The following PCSK5 variants were observed in gnomAD, a reference collection of about 807,000 sequenced individuals.
The protein encoded by PCSK5 is proprotein convertase subtilisin/kexin type 5.
A neutral mutation model predicts 233.2 loss-of-function variants in PCSK5; 129 were observed. The ratio of observed to expected loss-of-function variants is 0.55; its 90% CI spans 0.48 to 0.64. The LOEUF (loss-of-function observed/expected upper bound fraction) is 0.64, where lower values mean the gene tolerates loss of function less well. Ranked by LOEUF, PCSK5 falls within the 30% of genes least tolerant of loss-of-function variation. The pLI, the probability that PCSK5 is intolerant of heterozygous loss-of-function variation, is 0.00. For synonymous variants in PCSK5, 825 were observed against 879.2 expected (o/e 0.94, Z 1.09); for missense variants, 2,076 against 2,430.1 (o/e 0.85, Z 3.06).
chr9:76,028,924 C>A (rs1828542917), intron 5 of PCSK5, among the ~76,000 whole-genome samples: 1 of 152,138 alleles, frequency 6.6e-6, no homozygotes. Flanking sequence ...TGGGTCTGAT[C>A]TCTTTCAGTG....
At chr9:76,064,533 A>C (rs1274839805) in intron 5 of PCSK5, among the ~76,000 whole-genome samples, 1 of 148,756 alleles carries the variant, frequency 6.7e-6, no homozygotes, top group African/African-American at 2.5e-5. Context: ...TCCCTCCCGG[A>C]CGGGGTGGCT....
At chr9:76,085,324 C>G (rs903944496) in intron 7 of PCSK5, among the ~76,000 whole-genome samples, 1 of 152,194 alleles carries the variant, frequency 6.6e-6, no homozygotes, top group Non-Finnish European at 1.5e-5. Flanking sequence ...TGGATGAGGC[C>G]TATAGTGGTA....
At chr9:76,204,110 T>C (rs78627535) in intron 20 of PCSK5, among the ~76,000 whole-genome samples, 10,177 of 152,244 alleles carry the variant, frequency 0.067, 1,094 homozygotes, top group African/African-American at 0.23. Flanking sequence ...TTATTCATTG[T>C]TGATCCCTCT....
intron 20 of PCSK5, among the ~76,000 whole-genome samples, chr9:76,221,965 T>C (rs1157411480): frequency 6.6e-6 from 1 of 152,172 alleles, no homozygotes; most frequent in African/African-American, 2.4e-5. Flanking sequence ...CAAGGGCAAG[T>C]TGTCCTTGAG....
chr9:76,237,200 C>A (rs1826277291), intron 22 of PCSK5, among the ~76,000 whole-genome samples: 1 of 152,200 alleles, frequency 6.6e-6, no homozygotes, highest in African/African-American at 2.4e-5. Flanking sequence ...TCAGAGATTC[C>A]AGGTTCCACC....
Position 76,239,040 on chromosome 9 carries a change from A to G in PCSK5, c.2948A>G (p.Asn983Ser), listed in dbSNP as rs1826344301. 6.2e-7 allele frequency: 1 copy of G among 1,611,924 alleles called. No homozygotes were observed. Among genetic ancestry groups the G allele is most frequent in the African/African-American group, 1.3e-5 (1 of 74,938 alleles). The stretch of plus-strand genomic sequence containing the variant: ...GAGGGCCACTATGCCACTGAGGGGA[A>G]CACCTGCCTGCCCTGCCCAGACAAC... ...CPEGHYATEG[N>S]TCLPCPDNCE... Residue 983 changes from asparagine to serine, a missense_variant, in exon 23 of 38, where the codon AAC (asparagine) becomes AGC (serine). By Grantham distance (46) the Asn-to-Ser change is conservative. Around this residue, in one of 6 missense-constraint regions of PCSK5, gnomAD observed 1,510 missense variants for 1,538.1 expected, o/e 0.98. Coordinates refer to ENST00000674117, the MANE Select transcript of PCSK5 (RefSeq NM_001372043.1).
rs746369113 is a variant in PCSK5 at position 76,358,511 on chromosome 9, A to T, written c.5255-2A>T. The T allele has an allele frequency of 2.5e-6, 4 of 1,605,318 alleles. No individual in the cohort carries two copies. Among genetic ancestry groups the T allele is most frequent in the South Asian group, 1.1e-5 (1 of 90,944 alleles). On this transcript the variant is annotated splice_acceptor_variant, in intron 37 of 37. Coordinates refer to ENST00000674117, the MANE Select transcript of PCSK5 (RefSeq NM_001372043.1). LOFTEE classifies it high-confidence loss of function. ...TCTTCCTTTGAGGTCTTCTTCCAACAGACGAATGCATCCTTCGAACAAGCA... is the reference window on the plus strand; with the variant it reads ...TCTTCCTTTGAGGTCTTCTTCCAACTGACGAATGCATCCTTCGAACAAGCA...
At chr9:75,962,022 C>G (rs1264715801) in intron 2 of PCSK5, among the ~76,000 whole-genome samples, 2 of 152,062 alleles carry the variant, frequency 1.3e-5, no homozygotes, top group East Asian at 1.9e-4. Context: ...GTACAGGGTT[C>G]CTGTGCGGGT....
chr9:75,949,522 A>T (rs558758420), intron 2 of PCSK5, among the ~76,000 whole-genome samples: 8 of 151,882 alleles, frequency 5.3e-5, no homozygotes, highest in Non-Finnish European at 8.8e-5. Context: ...TTTATTTATT[A>T]AATTTATTAT....
intron 5 of PCSK5, among the ~76,000 whole-genome samples, chr9:76,052,498 G>A (rs1456960733): frequency 6.6e-6 from 1 of 152,082 alleles, no homozygotes; most frequent in African/African-American, 2.4e-5. Context: ...CACCTCTCAT[G>A]AGACTTATTC....
chr9:76,354,746 C>A (rs1367976619), intron 37 of PCSK5, among the ~76,000 whole-genome samples: 1 of 152,222 alleles, frequency 6.6e-6, no homozygotes, highest in Non-Finnish European at 1.5e-5. Context: ...CACTGCACTT[C>A]AGCCTGGGTG....
At chr9:76,060,541 A>G (rs1443288261) in intron 5 of PCSK5, among the ~76,000 whole-genome samples, 2 of 152,182 alleles carry the variant, frequency 1.3e-5, no homozygotes, top group African/African-American at 4.8e-5. Flanking sequence ...AGTGGACCCA[A>G]GAAGTTCTGT....
At chr9:76,047,523 C>G (rs1216435239) in intron 5 of PCSK5, among the ~76,000 whole-genome samples, 2 of 152,100 alleles carry the variant, frequency 1.3e-5, no homozygotes, top group Non-Finnish European at 2.9e-5. Context: ...TGGAAAGGGA[C>G]TTGCACAGAA....
chr9:76,318,638 C>T (rs757937672), intron 30 of PCSK5, among the ~76,000 whole-genome samples: 11 of 151,970 alleles, frequency 7.2e-5, no homozygotes, highest in Non-Finnish European at 1.3e-4. Context: ...CATAAGATTC[C>T]GCCTGGAAGA....
chr9:75,929,047 T>C (rs1823653267), intron 1 of PCSK5, among the ~76,000 whole-genome samples: 1 of 152,086 alleles, frequency 6.6e-6, no homozygotes, highest in Admixed American at 6.5e-5. Context: ...GCAATTCTCC[T>C]ACCTCAGCCT....
chr9:76,296,744 A>T lies in PCSK5; in HGVS notation c.3402A>T (p.Ala1134=). 6.2e-7 allele frequency: 1 copy of T among 1,612,388 alleles called. No homozygotes were observed. The highest frequency in any genetic ancestry group is 8.5e-7 in the Non-Finnish European group (1 of 1,179,486). ...GAGAATGTGAGTCCTGCCACCGAGC[A>T]TGCGAAACCTGCACAGGCCCTGGTC... The part of the protein sequence containing the change: ...EMGECESCHR[A]CETCTGPGHD... Residue 1134 remains alanine (A), a synonymous_variant, in exon 27 of 38, where the codon GCA becomes GCT. Transcript: ENST00000674117.
intron 24 of PCSK5, among the ~76,000 whole-genome samples, chr9:76,247,816 G>T (rs1009164850): frequency 6.7e-6 from 1 of 149,864 alleles, no homozygotes; most frequent in African/African-American, 2.5e-5. Flanking sequence ...ACAGAGTCTC[G>T]CCCTGTTGCC....
rs560077560 is a variant in PCSK5 at position 76,075,129 on chromosome 9, A to C, written c.894+3231A>C. 2.0e-5 allele frequency among the ~76,000 whole-genome samples: 3 copies of C among 152,270 alleles called. No homozygotes were observed. In the South Asian group the frequency reaches 6.2e-4, roughly 32 times the overall value. On this transcript the variant is annotated intron_variant, in intron 7 of 37. Coordinates refer to ENST00000674117, the MANE Select transcript of PCSK5 (RefSeq NM_001372043.1). Reference sequence around the variant, plus strand: ...CAACTACTCAAGAGGCTGAGGCAGGAGAATCGCTTGAACCCAGGGAGTGGA... The same window carrying C: ...CAACTACTCAAGAGGCTGAGGCAGGCGAATCGCTTGAACCCAGGGAGTGGA...
intron 29 of PCSK5, among the ~76,000 whole-genome samples, chr9:76,310,369 T>C (rs987087117): frequency 6.6e-6 from 1 of 151,776 alleles, no homozygotes; most frequent in African/African-American, 2.4e-5. Context: ...CAGGAAGACA[T>C]AGAGAGTGTG....
Sources: allele counts gnomAD v4.1 joint callset (sites outside exome capture counted in the v4.1 genomes callset), GRCh38; gene constraint gnomAD v4.1.1; regional missense constraint gnomAD v4.1.1; transcripts MANE v1.5; gene names NCBI Gene and HGNC (gene_info 2026-07-23, HGNC 2026-07-21).